Variants in ADCY1 observed in about 807,000 individuals in gnomAD.
The protein encoded by ADCY1 is adenylate cyclase 1, also known as adenylate cyclase type 1.
A neutral mutation model predicts 105.4 loss-of-function variants in ADCY1; 28 were observed. The observed-to-expected ratio is 0.27, with a 90% CI of 0.20 to 0.36. The LOEUF is 0.36. Among genes scored for constraint, ADCY1 ranks in the 10% least tolerant of loss-of-function variants. ADCY1 has a pLI of 1.00. For synonymous variants in ADCY1, 655 were observed against 623.8 expected, an observed-to-expected ratio of 1.05 and a Z score of -0.75; for missense variants, 977 against 1,434.2, an observed-to-expected ratio of 0.68 and a Z score of 5.15.
In ADCY1 at chr7:45,685,032, A is replaced by G. The variant is rs138991516; in HGVS notation, c.2037A>G (p.Ile679Met). ...IQIRTVLCIF[I>M]VVLIYSVAQG... ...TTCGCACTGTCCTGTGTATTTTCAT[A>G]GTGGTCTTAATCTACTCAGTAGCCC... Residue 679 changes from isoleucine (I) to methionine (M), a missense_variant, in exon 12 of 20, where the codon ATA becomes ATG. Transcript: ENST00000297323. 2.4e-5 allele frequency: 39 copies of G among 1,614,188 alleles called. No homozygotes were observed. The highest frequency in any genetic ancestry group is 3.3e-5 in the Admixed American group (2 of 60,028).
chr7:45,626,399 T>C (rs1241374871), intron 4 of ADCY1, among the ~76,000 whole-genome samples: 1 of 152,158 alleles, frequency 6.6e-6, no homozygotes, highest in Non-Finnish European at 1.5e-5. Flanking sequence ...TGGAGTGTCC[T>C]GGGAGTCAGC....
In ADCY1 at chr7:45,686,838, A is replaced by G. The variant is rs558449393; in HGVS notation, c.2454+165A>G. Among the ~76,000 whole-genome samples, 1 of 152,220 alleles carries G rather than the reference A, an allele frequency of 6.6e-6. No individual in the cohort carries two copies. The highest frequency in any genetic ancestry group is 1.5e-5 in the Non-Finnish European group (1 of 67,992). On this transcript the variant is annotated intron_variant, in intron 14 of 19. Coordinates refer to ENST00000297323, the MANE Select transcript of ADCY1 (RefSeq NM_021116.4). This position sits in a 1 kb window ranked among gnomAD's most constrained non-coding sequence, Gnocchi z 4.3. ...CAGGCACTGTCCGGGGATGGAGGAGACCTATGCTGGGGGTGCAGGGAGTGG... is the reference window on the plus strand; with the variant it reads ...CAGGCACTGTCCGGGGATGGAGGAGGCCTATGCTGGGGGTGCAGGGAGTGG...
chr7:45,615,146 A>G (rs187567053), intron 3 of ADCY1, among the ~76,000 whole-genome samples: 3 of 152,270 alleles, frequency 2.0e-5, no homozygotes, highest in South Asian at 4.1e-4. Context: ...AAGTCCTTAC[A>G]ATTTCAAGAA....
chr7:45,592,678 C>G, intron 1 of ADCY1, 81 bp from the exon 2 acceptor site: 1 of 1,577,734 alleles, frequency 6.3e-7, no homozygotes, highest in Non-Finnish European at 8.6e-7. Context: ...AGAGCTCTTG[C>G]TATGCTCTCC....
At position 45,720,335 on chromosome 7, in the gene ADCY1, AC is replaced by A. The variant is rs1181989234; in HGVS notation, c.*6344del. 1 of 148,848 alleles carries A rather than the reference AC, an allele frequency of 6.7e-6. No individual in the cohort carries two copies. Among genetic ancestry groups the A allele is most frequent in the Non-Finnish European group, 1.5e-5 (1 of 67,212 alleles). 9.2% of individuals were successfully genotyped at this position (148,848 alleles called of 1,614,324 possible). On this transcript the variant is annotated 3_prime_UTR_variant, in exon 20 of 20. Transcript: ENST00000297323. ...AGACCAGCCTGGTCAACATGGTGAA[AC>A]CCCGTCTCTACTAAAAATACAAAAA...
At chr7:45,648,886 C>T in intron 5 of ADCY1, 89 bp downstream of exon 5, 2 of 1,526,388 alleles carry the variant, frequency 1.3e-6, no homozygotes, top group Non-Finnish European at 1.8e-6. Context: ...CCCATGTGGG[C>T]TCCCCTCTCA....
rs765590357 is a variant in ADCY1 at position 45,648,729 on chromosome 7, C to T, written c.1080C>T (p.Leu360=). The T allele has an allele frequency of 2.5e-6, 4 of 1,614,208 alleles. 1 individual carries two copies. In the South Asian group the frequency reaches 4.4e-5, roughly 18 times the overall value. ...ACTGCTACTACTGCGTGTCGGGCCT[C>T]ACCCAGCCCAAGACTGACCATGCCC... ...LGDCYYCVSG[L]TQPKTDHAHC... Residue 360 remains leucine, a synonymous_variant, in exon 5 of 20, where the codon CTC becomes CTT. Coordinates refer to ENST00000297323, the MANE Select transcript of ADCY1 (RefSeq NM_021116.4).
chr7:45,587,514 G>A (rs1260831388), intron 1 of ADCY1, among the ~76,000 whole-genome samples: 3 of 152,156 alleles, frequency 2.0e-5, no homozygotes, highest in Non-Finnish European at 2.9e-5. Context: ...GAGAGAGAAC[G>A]TCAGAGGACT....
In ADCY1 at chr7:45,719,398, G is replaced by A. The variant is rs1785423060; in HGVS notation, c.*5403G>A. ...AGCAGATCCTGTACTAGGATGTGAGGATATCTGTCACCTGCGTGGTCCATT... is the reference window on the plus strand; with the variant it reads ...AGCAGATCCTGTACTAGGATGTGAGAATATCTGTCACCTGCGTGGTCCATT... On this transcript the variant is annotated 3_prime_UTR_variant, in exon 20 of 20. Coordinates refer to ENST00000297323, the MANE Select transcript of ADCY1 (RefSeq NM_021116.4). The A allele has an allele frequency of 6.6e-6, 1 of 152,246 alleles. No homozygotes were observed. Among genetic ancestry groups the A allele is most frequent in the Non-Finnish European group, 1.5e-5 (1 of 68,034 alleles). The allele number at this position is 152,246 out of a possible 1,614,324, so 9.4% of individuals were successfully genotyped here.
chr7:45,580,457 C>T (rs1792501512), intron 1 of ADCY1, among the ~76,000 whole-genome samples: 1 of 152,212 alleles, frequency 6.6e-6, no homozygotes, highest in African/African-American at 2.4e-5. Flanking sequence ...CAGGCTTGAG[C>T]ACGGGGCTGG....
At chr7:45,590,316 C>A (rs1045154231) in intron 1 of ADCY1, among the ~76,000 whole-genome samples, 1 of 152,200 alleles carries the variant, frequency 6.6e-6, no homozygotes, top group Non-Finnish European at 1.5e-5. Flanking sequence ...GGAAAATCTC[C>A]AAGGAAGGTT....
intron 19 of ADCY1, among the ~76,000 whole-genome samples, chr7:45,712,163 A>C (rs1179358882): frequency 4.3e-5 from 6 of 140,302 alleles, no homozygotes. Context: ...TTAAATTTTA[A>C]ATATTTTATA....
chr7:45,654,389 T>C (rs146541226), intron 5 of ADCY1, among the ~76,000 whole-genome samples: 53 of 152,328 alleles, frequency 3.5e-4, no homozygotes, highest in Non-Finnish European at 6.6e-4. Context: ...GTTTACTACA[T>C]TGAATTAAAT....
chr7:45,684,968 T>A lies in ADCY1; in HGVS notation c.1984-11T>A, dbSNP rs749480610. 10 of 1,610,610 alleles carry A rather than the reference T, an allele frequency of 6.2e-6. No individual in the cohort carries two copies. The East Asian group carries it at 2.2e-4, about 36-fold the overall frequency. The stretch of plus-strand genomic sequence containing the variant: ...CAGAGGGTATTTTCTAAATTAACAT[T>A]TCTTATTCAGTGTTTTCCAGGGTGC... On this transcript the variant is annotated splice_polypyrimidine_tract_variant and intron_variant, in intron 11 of 19. Transcript: ENST00000297323.
intron 19 of ADCY1, 55 bp from the exon 20 acceptor site, chr7:45,713,638 C>T: frequency 1.3e-6 from 1 of 743,548 alleles, no homozygotes; most frequent in South Asian, 1.5e-5. Flanking sequence ...TGGTCTCTTC[C>T]CAGAGGAGTC....
In ADCY1 at chr7:45,686,474, C is replaced by T. The variant is rs1784676531; in HGVS notation, c.2328-73C>T. ...CACCTGAGGGTCACTCTGAACAGTTCTTGGGTTTGGTGGCAGAGTCTTGCC... is the reference window on the plus strand; with the variant it reads ...CACCTGAGGGTCACTCTGAACAGTTTTTGGGTTTGGTGGCAGAGTCTTGCC... On this transcript the variant is annotated intron_variant, in intron 13 of 19. Transcript: ENST00000297323. This position sits in a 1 kb window ranked among gnomAD's most constrained non-coding sequence, Gnocchi z 4.3. The T allele has an allele frequency of 6.4e-7, 1 of 1,553,972 alleles. No homozygotes were observed. The highest frequency in any genetic ancestry group is 8.7e-7 in the Non-Finnish European group (1 of 1,147,282).
chr7:45,665,381 G>A (rs1426018377), intron 8 of ADCY1, among the ~76,000 whole-genome samples: 5 of 152,200 alleles, frequency 3.3e-5, no homozygotes, highest in South Asian at 2.1e-4. Context: ...GGCCCACCAG[G>A]TGGGGAACAT....
Position 45,679,653 on chromosome 7 carries a change from G to A in ADCY1, c.1899-56G>A. 5.1e-6 allele frequency: 8 copies of A among 1,579,062 alleles called. No individual in the cohort carries two copies. In the South Asian group the frequency reaches 8.9e-5, roughly 17 times the overall value. On this transcript the variant is annotated intron_variant, in intron 10 of 19. Coordinates refer to ENST00000297323, the MANE Select transcript of ADCY1 (RefSeq NM_021116.4). ...GGGGCCAATTCTCAGCCATCTCTTGGGTCCGCCTCTCCTAATCCCCACCTA... is the reference window on the plus strand; with the variant it reads ...GGGGCCAATTCTCAGCCATCTCTTGAGTCCGCCTCTCCTAATCCCCACCTA...
At chr7:45,678,318 G>A in intron 10 of ADCY1, 55 bp downstream of exon 10, 12 of 1,539,448 alleles carry the variant, frequency 7.8e-6, no homozygotes, top group Non-Finnish European at 1.1e-5. Context: ...CGGTTTCTGG[G>A]GTTCGTGGTT....
Sources: gnomAD v4.1 joint callset for allele counts (sites outside exome capture counted in the v4.1 genomes callset) on GRCh38, gnomAD v4.1.1 for gene constraint, Gnocchi (gnomAD v3.1) non-coding constraint, MANE v1.5 for transcripts, NCBI Gene and HGNC (gene_info 2026-07-23, HGNC 2026-07-21) for gene names.